FARP1: variants seen among roughly 807,000 people sequenced by gnomAD.
The protein encoded by FARP1 is FERM, ARH/RhoGEF and pleckstrin domain protein 1.
FARP1 carries 52 observed loss-of-function variants against 128.8 expected under a neutral mutation model. The ratio of observed to expected loss-of-function variants is 0.40; its 90% CI spans 0.32 to 0.51. The LOEUF (loss-of-function observed/expected upper bound fraction) is 0.51. FARP1 is among the 20% of genes least tolerant of loss of function. The pLI is 0.45. For missense variants in FARP1, 1,333 were observed against 1,367.9 expected (o/e 0.97, Z 0.40); for synonymous variants, 580 against 551.8 (o/e 1.05, Z -0.72).
chr13:98,400,540 G>A (rs1007991087), intron 13 of FARP1: 3 of 152,180 alleles, frequency 2.0e-5, no homozygotes, highest in Non-Finnish European at 4.4e-5. Context: ...GAGTAATTGC[G>A]TTACAGGCAG....
intron 2 of FARP1, among the ~76,000 whole-genome samples, chr13:98,258,226 CAAAGTGCTGGG>C (rs1281064250): frequency 6.6e-6 from 1 of 152,148 alleles, no homozygotes; most frequent in Non-Finnish European, 1.5e-5. Context: ...GTCAGCCTCC[CAAAGTGCTGGG>C]ATTACAGGCA....
chr13:98,172,526 G>A (rs1490374471), intron 1 of FARP1, among the ~76,000 whole-genome samples: 1 of 152,088 alleles, frequency 6.6e-6, no homozygotes, highest in Non-Finnish European at 1.5e-5. Flanking sequence ...GCTATGAAAC[G>A]AACAGTTCCT....
At chr13:98,410,238 T>C (rs1891140073) in intron 14 of FARP1, among the ~76,000 whole-genome samples, 1 of 152,230 alleles carries the variant, frequency 6.6e-6, no homozygotes, top group Admixed American at 6.5e-5. Context: ...GCTGCCCACC[T>C]GACTGACAGC....
At chr13:98,358,159 C>G (rs1361672245) in intron 3 of FARP1, among the ~76,000 whole-genome samples, 1 of 150,582 alleles carries the variant, frequency 6.6e-6, no homozygotes, top group East Asian at 2.0e-4. Context: ...TTGGGTATCT[C>G]TCTACTCCCT....
At chr13:98,144,430 C>T (rs1875356158) in intron 1 of FARP1, among the ~76,000 whole-genome samples, 1 of 152,160 alleles carries the variant, frequency 6.6e-6, no homozygotes, top group African/African-American at 2.4e-5. Flanking sequence ...AGTTTAGCAG[C>T]CTCGGCCTCC....
chr13:98,284,817 T>C (rs655653), intron 2 of FARP1, among the ~76,000 whole-genome samples: 96,420 of 152,038 alleles, frequency 0.63, 31,123 homozygotes, highest in African/African-American at 0.75. Flanking sequence ...AACCAGGCTC[T>C]GGAATCGTTC....
rs922753858 is a variant in FARP1 at position 98,327,611 on chromosome 13, A to G, written c.172-16151A>G. On this transcript the variant is annotated intron_variant, in intron 2 of 26. Transcript: ENST00000319562. Reference sequence around the variant, plus strand: ...TAACTGGTGAGCCAGTTTAAAGGGAACTGAAGTTTCTGATAAAGTCTTTCC... The same window carrying G: ...TAACTGGTGAGCCAGTTTAAAGGGAGCTGAAGTTTCTGATAAAGTCTTTCC... 6.6e-5 allele frequency among the ~76,000 whole-genome samples: 10 copies of G among 152,190 alleles called. 1 individual carries two copies. Among genetic ancestry groups the G allele is most frequent in the Admixed American group, 6.5e-4 (10 of 15,278 alleles).
At chr13:98,363,933 G>A (rs1888977568) in intron 3 of FARP1, among the ~76,000 whole-genome samples, 1 of 152,060 alleles carries the variant, frequency 6.6e-6, no homozygotes, top group African/African-American at 2.4e-5. Flanking sequence ...GTACAGATGG[G>A]GTTTCACCAC....
chr13:98,299,352 C>T (rs937415551), intron 2 of FARP1, among the ~76,000 whole-genome samples: 2 of 152,158 alleles, frequency 1.3e-5, no homozygotes, highest in East Asian at 1.9e-4. Flanking sequence ...AAGATGGTTA[C>T]CAGCCAAGAG....
intron 26 of FARP1, 44 bp downstream of exon 26, chr13:98,446,861 C>G (rs759486332): frequency 6.3e-7 from 1 of 1,592,432 alleles, no homozygotes; most frequent in African/African-American, 1.3e-5. Context: ...AGAAGAGGAC[C>G]CCCTCTTCCA....
intron 9 of FARP1, among the ~76,000 whole-genome samples, chr13:98,388,950 G>A (rs145156226): frequency 7.9e-5 from 12 of 152,320 alleles, no homozygotes; most frequent in South Asian, 2.1e-4. Flanking sequence ...CCCACAACAC[G>A]CCTAACACTG....
At chr13:98,336,202 G>C (rs1887735866) in intron 2 of FARP1, among the ~76,000 whole-genome samples, 1 of 152,128 alleles carries the variant, frequency 6.6e-6, no homozygotes, top group Non-Finnish European at 1.5e-5. Flanking sequence ...CTTTGTTATA[G>C]AAATAACCTG....
intron 2 of FARP1, among the ~76,000 whole-genome samples, chr13:98,224,679 A>G (rs1203785343): frequency 1.3e-5 from 2 of 152,126 alleles, no homozygotes; most frequent in East Asian, 3.9e-4. Flanking sequence ...GCTGACCCCA[A>G]CCAGAAGCCC....
intron 2 of FARP1, among the ~76,000 whole-genome samples, chr13:98,308,228 T>A (rs1047902975): frequency 6.6e-6 from 1 of 152,114 alleles, no homozygotes; most frequent in Admixed American, 6.6e-5. Context: ...GTTGAGACCT[T>A]GAGGATGATA....
intron 2 of FARP1, among the ~76,000 whole-genome samples, chr13:98,281,096 C>T (rs1299066956): frequency 2.0e-5 from 3 of 152,178 alleles, no homozygotes; most frequent in South Asian, 4.1e-4. Flanking sequence ...TGGCTCATGC[C>T]TGTAATCCCA....
At chr13:98,160,400 G>A (rs745538633) in intron 1 of FARP1, among the ~76,000 whole-genome samples, 46 of 152,092 alleles carry the variant, frequency 3.0e-4, no homozygotes, top group African/African-American at 9.9e-4. Flanking sequence ...TACACAGATC[G>A]TAAGGATAGC....
chr13:98,354,627 T>A (rs1392427471), intron 3 of FARP1, among the ~76,000 whole-genome samples: 1 of 152,164 alleles, frequency 6.6e-6, no homozygotes, highest in Non-Finnish European at 1.5e-5. Flanking sequence ...TATACACTAA[T>A]TTTTTTGACA....
Position 98,442,709 on chromosome 13 carries a change from C to T in FARP1, c.2796+1873C>T, listed in dbSNP as rs145095522. Among the ~76,000 whole-genome samples the T allele has an allele frequency of 6.7e-4, 102 of 152,280 alleles. 1 individual carries two copies. The highest frequency in any genetic ancestry group is 9.7e-4 in the East Asian group (5 of 5,178). Reference sequence around the variant, plus strand: ...ATAGCAGGAAAGGAGACCCCCGAAGCGGAGGAGCAGGGAAGAACCCGTGAT... The same window carrying T: ...ATAGCAGGAAAGGAGACCCCCGAAGTGGAGGAGCAGGGAAGAACCCGTGAT... On this transcript the variant is annotated intron_variant, in intron 24 of 26. Transcript: ENST00000319562.
intron 3 of FARP1, among the ~76,000 whole-genome samples, chr13:98,348,808 G>T (rs1306620315): frequency 2.6e-5 from 4 of 152,188 alleles, no homozygotes; most frequent in Non-Finnish European, 5.9e-5. Context: ...GCCAGAACAG[G>T]GAGTAGCCTG....
Sources: gnomAD v4.1 joint callset for allele counts (sites outside exome capture counted in the v4.1 genomes callset) on GRCh38, gnomAD v4.1.1 for gene constraint, MANE v1.5 for transcripts, NCBI Gene and HGNC (gene_info 2026-07-23, HGNC 2026-07-21) for gene names.